Variants in DGKB observed in about 807,000 individuals in gnomAD.
DGKB encodes diacylglycerol kinase beta, also known as 90 kDa diacylglycerol kinase.
In DGKB, 67 loss-of-function variants were observed where a neutral mutation model predicts 114.3. That is an observed-to-expected ratio of 0.59 (90% CI 0.48 to 0.72). The LOEUF is 0.72. DGKB is among the 30% of genes least tolerant of loss of function. The pLI, the probability that DGKB is intolerant of heterozygous loss-of-function variation, is 0.00. For missense variants in DGKB, 907 were observed against 975.2 expected (o/e 0.93, Z 0.93); for synonymous variants, 398 against 323.1 (o/e 1.23, Z -2.49).
chr7:14,801,925 T>TACACACAC (rs142456381), intron 2 of DGKB, among the ~76,000 whole-genome samples: 2,977 of 148,028 alleles, frequency 0.02, 52 homozygotes, highest in South Asian at 0.035. Flanking sequence ...TATATACATA[T>TACACACAC]ACACACACAC....
In DGKB at chr7:14,574,317, T is replaced by C; in HGVS notation, c.1665A>G (p.Glu555=). The change falls in exon 20 of 26, where the codon GAA becomes GAG. Residue 555 remains glutamate (E), a synonymous_variant. Coordinates refer to ENST00000402815, the MANE Select transcript of DGKB (RefSeq NM_001350709.2). The stretch of plus-strand genomic sequence containing the variant: ...CAAACTTCCACCTGTCCAACATGAT[T>C]TCTGTGCTGTTTTCAATGTCTTTTA... The part of the protein sequence containing the change: ...KILKDIENST[E]IMLDRWKFEV... 1 of 1,613,444 alleles carries C rather than the reference T, an allele frequency of 6.2e-7. No individual in the cohort carries two copies. The highest frequency in any genetic ancestry group is 8.5e-7 in the Non-Finnish European group (1 of 1,179,638).
chr7:14,520,345 A>G (rs1342491855), intron 20 of DGKB, among the ~76,000 whole-genome samples: 19 of 150,230 alleles, frequency 1.3e-4, no homozygotes, highest in Admixed American at 6.7e-5. Context: ...TTGTGTTCTA[A>G]TGTTTATTAT....
At chr7:14,751,381 T>C (rs188646623) in intron 4 of DGKB, among the ~76,000 whole-genome samples, 246 of 152,294 alleles carry the variant, frequency 1.6e-3, no homozygotes, top group Non-Finnish European at 3.1e-3. Flanking sequence ...TAAGGAGAGT[T>C]ACTTGTTTAT....
At chr7:14,453,879 T>A (rs1198179847) in intron 21 of DGKB, among the ~76,000 whole-genome samples, 1 of 152,204 alleles carries the variant, frequency 6.6e-6, no homozygotes, top group African/African-American at 2.4e-5. Flanking sequence ...ATATGGGCCA[T>A]AGTTTGCTGA....
rs1354065321 is a variant in DGKB, at chr7:14,294,524, G to A, written c.2122+43991C>T. Among the ~76,000 whole-genome samples the A allele has an allele frequency of 3.3e-5, 5 of 152,204 alleles. No individual in the cohort carries two copies. The East Asian group carries it at 9.7e-4, about 29-fold the overall frequency. On this transcript the variant is annotated intron_variant, in intron 23 of 25. Coordinates refer to ENST00000402815, the MANE Select transcript of DGKB (RefSeq NM_001350709.2). ...AATAAATTGAGAAGTCAGAACTGTT[G>A]GAATATTGCAAACAGTATAAGGTGA...
rs371099695 is a variant in DGKB at position 14,394,756 on chromosome 7, T to G, written c.1836-49365A>C. 2.0e-5 allele frequency among the ~76,000 whole-genome samples: 3 copies of G among 152,012 alleles called. No individual in the cohort carries two copies. The East Asian group carries it at 5.8e-4, about 29-fold the overall frequency. ...GCTCCCATACCCCTCATTGATTAAG[T>G]CTAACTCAAGATATTCTAAGGATGC... is the stretch of plus-strand genomic sequence containing the variant. On this transcript the variant is annotated intron_variant, in intron 21 of 25. Coordinates refer to ENST00000402815, the MANE Select transcript of DGKB (RefSeq NM_001350709.2).
chr7:14,646,095 C>T (rs1812941622), intron 13 of DGKB, among the ~76,000 whole-genome samples: 1 of 152,128 alleles, frequency 6.6e-6, no homozygotes, highest in African/African-American at 2.4e-5. Flanking sequence ...TAAAAAACAA[C>T]AAGATCCAAC....
intron 25 of DGKB, among the ~76,000 whole-genome samples, chr7:14,163,570 G>A (rs1159148674): frequency 2.0e-5 from 3 of 152,054 alleles, no homozygotes; most frequent in Non-Finnish European, 4.4e-5. Flanking sequence ...ATTGCTTTTG[G>A]AGTCTCACTA....
intron 21 of DGKB, among the ~76,000 whole-genome samples, chr7:14,397,532 C>G (rs373186667): frequency 3.9e-5 from 6 of 152,052 alleles, no homozygotes; most frequent in African/African-American, 1.4e-4. Context: ...CTGTGTCCTT[C>G]TAGTCAAAAA....
intron 21 of DGKB, among the ~76,000 whole-genome samples, chr7:14,351,424 C>T (rs574259585): frequency 5.3e-5 from 8 of 152,224 alleles, no homozygotes; most frequent in South Asian, 2.1e-4. Context: ...GGAGCCTGGT[C>T]GGCAAACGAG....
At chr7:14,764,715 T>C (rs1302078707) in intron 2 of DGKB, among the ~76,000 whole-genome samples, 1 of 151,826 alleles carries the variant, frequency 6.6e-6, no homozygotes, top group Non-Finnish European at 1.5e-5. Context: ...TATGTATGAA[T>C]ATATATTTTG....
In DGKB at chr7:14,885,972, C is replaced by A. The variant is rs921926145; in HGVS notation, c.-188+16620G>T. Among the ~76,000 whole-genome samples, 5 of 151,772 alleles carry A rather than the reference C, an allele frequency of 3.3e-5. No homozygotes were observed. In the South Asian group the frequency reaches 1.0e-3, roughly 31 times the overall value. On this transcript the variant is annotated intron_variant, in intron 1 of 25. Transcript: ENST00000402815. ...TAGAAAAAAATAAAGGAAGGATCTA[C>A]TGAATTATTTTGAGCAAGAACATGG... is the stretch of plus-strand genomic sequence containing the variant.
rs73680494 is a variant in DGKB at position 14,600,360 on chromosome 7, A to G, written c.1433+7074T>C. ...AAATTTTGGAGAGACACAAGTATTC[A>G]AACCATAGCATTCTGCCTCTGCTCT... On this transcript the variant is annotated intron_variant, in intron 17 of 25. Transcript: ENST00000402815. Among the ~76,000 whole-genome samples, 795 of 152,308 alleles carry G rather than the reference A, an allele frequency of 5.2e-3. 6 individuals carry two copies. The highest frequency in any genetic ancestry group is 0.018 in the African/African-American group (747 of 41,570).
At chr7:14,693,849 A>G (rs952425176) in intron 9 of DGKB, among the ~76,000 whole-genome samples, 2 of 152,118 alleles carry the variant, frequency 1.3e-5, no homozygotes, top group African/African-American at 4.8e-5. Context: ...GAGAGAATAT[A>G]TTTTTAATCC....
intron 1 of DGKB, among the ~76,000 whole-genome samples, chr7:14,858,400 A>G (rs1256264292): frequency 1.3e-5 from 2 of 152,188 alleles, no homozygotes; most frequent in Non-Finnish European, 2.9e-5. Context: ...ATTTTAGGAT[A>G]TGAATGTATT....
chr7:14,401,718 A>G (rs995525929), intron 21 of DGKB, among the ~76,000 whole-genome samples: 3 of 151,846 alleles, frequency 2.0e-5, no homozygotes, highest in African/African-American at 4.8e-5. Context: ...TTGATATAAT[A>G]GTCCCTTTCC....
At chr7:14,921,240 G>A (rs1163101400) in intron 1 of DGKB, among the ~76,000 whole-genome samples, 2 of 152,250 alleles carry the variant, frequency 1.3e-5, no homozygotes, top group Non-Finnish European at 2.9e-5. Flanking sequence ...AACTGTAATT[G>A]TGGATGCATG....
intron 2 of DGKB, among the ~76,000 whole-genome samples, chr7:14,773,684 A>T (rs1293091958): frequency 1.3e-5 from 2 of 152,172 alleles, no homozygotes; most frequent in Non-Finnish European, 2.9e-5. Flanking sequence ...AAAACACATG[A>T]TCAAAACCCT....
intron 1 of DGKB, among the ~76,000 whole-genome samples, chr7:14,885,895 A>T (rs966537083): frequency 6.6e-6 from 1 of 151,740 alleles, no homozygotes; most frequent in African/African-American, 2.4e-5. Context: ...AATCTACAGA[A>T]TTTTTTTTCT....
Sources: gnomAD v4.1 joint callset for allele counts (sites outside exome capture counted in the v4.1 genomes callset) on GRCh38, gnomAD v4.1.1 for gene constraint, MANE v1.5 for transcripts, NCBI Gene and HGNC (gene_info 2026-07-23, HGNC 2026-07-21) for gene names.